Variants in GPR83 observed in about 807,000 individuals in gnomAD.
GPR83 encodes G protein-coupled receptor 83.
A neutral mutation model predicts 28.0 loss-of-function variants in GPR83; 23 were observed. The ratio of observed to expected loss-of-function variants is 0.82; its 90% CI spans 0.59 to 1.16. The LOEUF is 1.16. Among genes scored for constraint, GPR83 ranks in the 50% most tolerant of loss-of-function variants. GPR83 has a pLI of 0.00. For missense variants in GPR83, 610 were observed against 536.6 expected, an observed-to-expected ratio of 1.14 and a Z score of -1.35; for synonymous variants, 234 against 215.4, an observed-to-expected ratio of 1.09 and a Z score of -0.76.
chr11:94,388,462 A>C (rs1433228569), intron 3 of GPR83, among the ~76,000 whole-genome samples: 1 of 152,224 alleles, frequency 6.6e-6, no homozygotes. Context: ...GCTGATAAGC[A>C]ACTTCAGCAA....
chr11:94,386,758 C>T (rs1161590157), intron 3 of GPR83, among the ~76,000 whole-genome samples: 2 of 152,094 alleles, frequency 1.3e-5, no homozygotes, highest in African/African-American at 4.8e-5. Flanking sequence ...GTCAACATTA[C>T]ACAGATCAAT....
chr11:94,382,642 A>C (rs1944705110), intron 3 of GPR83, among the ~76,000 whole-genome samples: 1 of 152,190 alleles, frequency 6.6e-6, no homozygotes, highest in African/African-American at 2.4e-5. Flanking sequence ...AAAATTAACA[A>C]GGATATTCAG....
At chr11:94,396,972 T>C (rs2134696608) in intron 1 of GPR83, among the ~76,000 whole-genome samples, 1 of 152,296 alleles carries the variant, frequency 6.6e-6, no homozygotes, top group Admixed American at 6.5e-5. Context: ...TCTGGCAGAT[T>C]GTTCAGATAT....
intron 3 of GPR83, among the ~76,000 whole-genome samples, chr11:94,387,921 C>T (rs1176729502): frequency 6.6e-6 from 1 of 152,146 alleles, no homozygotes; most frequent in African/African-American, 2.4e-5. Flanking sequence ...TGCAAAAATC[C>T]TCAATACAAT....
In GPR83 at chr11:94,380,201, T is replaced by G; in HGVS notation, c.1220A>C (p.Gln407Pro). The change falls in exon 4 of 4, where the codon CAG becomes CCG. Residue 407 changes from glutamine to proline, a missense_variant. By Grantham distance (76) the Gln-to-Pro change is moderately conservative. Coordinates refer to ENST00000243673, the MANE Select transcript of GPR83 (RefSeq NM_016540.4). ...AGATGACAGGTCTGTCTTCCCAGAC[T>G]GGAGTTGGGAGGTGGGCAGGAGGTT... ...ANNLLPTSQL[Q>P]SGKTDLSSVE... 2 of 1,520,260 alleles carry G rather than the reference T, an allele frequency of 1.3e-6. No individual in the cohort carries two copies. Among genetic ancestry groups the G allele is most frequent in the Non-Finnish European group, 1.8e-6 (2 of 1,136,010 alleles). 94.2% of individuals were successfully genotyped at this position (1,520,260 alleles called of 1,614,324 possible). A position where few individuals can be genotyped will look rare whatever the true frequency, so the allele number is the denominator to read the frequency against.
At chr11:94,392,850 C>G (rs1408895920) in intron 3 of GPR83, among the ~76,000 whole-genome samples, 2 of 151,318 alleles carry the variant, frequency 1.3e-5, no homozygotes, top group Non-Finnish European at 2.9e-5. Flanking sequence ...ACTCTAAGAT[C>G]ATTCATTCAT....
chr11:94,387,369 A>T (rs572370358), intron 3 of GPR83, among the ~76,000 whole-genome samples: 4 of 152,344 alleles, frequency 2.6e-5, no homozygotes, highest in Admixed American at 2.0e-4. Flanking sequence ...AAACTCTTCA[A>T]AAAATCAATG....
At chr11:94,384,977 C>A (rs957318178) in intron 3 of GPR83, among the ~76,000 whole-genome samples, 3 of 152,178 alleles carry the variant, frequency 2.0e-5, no homozygotes, top group African/African-American at 7.2e-5. Flanking sequence ...CTCACATGGC[C>A]AGGTACTCCT....
chr11:94,380,410 G>T lies in GPR83; in HGVS notation c.1011C>A (p.Ser337Arg). 1 of 1,614,156 alleles carries T rather than the reference G, an allele frequency of 6.2e-7. No homozygotes were observed. Among genetic ancestry groups the T allele is most frequent in the East Asian group, 2.2e-5 (1 of 44,884 alleles). ...YFAFHWFAMS[S>R]TCYNPFIYCW... ...AGTATATGAAGGGGTTATAGCAGGT[G>T]CTGCTCATGGCAAACCAGTGGAAGG... Residue 337 changes from serine to arginine, a missense_variant, in exon 4 of 4, where the codon AGC (serine) becomes AGA (arginine). Coordinates refer to ENST00000243673, the MANE Select transcript of GPR83 (RefSeq NM_016540.4).
intron 1 of GPR83, among the ~76,000 whole-genome samples, chr11:94,398,437 C>G (rs1173901397): frequency 6.6e-6 from 1 of 152,162 alleles, no homozygotes; most frequent in Non-Finnish European, 1.5e-5. Context: ...TGCTTCGATG[C>G]CTTTGTTCTC....
chr11:94,389,594 G>C (rs1019553069), intron 3 of GPR83, among the ~76,000 whole-genome samples: 2 of 152,220 alleles, frequency 1.3e-5, no homozygotes, highest in Non-Finnish European at 2.9e-5. Context: ...GGCCATCAGA[G>C]AAATGCAAAT....
Position 94,380,249 on chromosome 11 carries a change from C to T in GPR83, c.1172G>A (p.Gly391Asp), listed in dbSNP as rs1171941196. 24 of 1,535,688 alleles carry T rather than the reference C, an allele frequency of 1.6e-5. No individual in the cohort carries two copies. Among genetic ancestry groups the T allele is most frequent in the Non-Finnish European group, 2.1e-5 (24 of 1,143,248 alleles). Reference protein sequence around the residue: ...FRVAWTEKNDGQRAPLANNLL... With the variant: ...FRVAWTEKNDDQRAPLANNLL... ...GTTATTGGCAAGGGGAGCCCTCTGG[C>T]CATCATTCTTCTCTGTCCAGGCCAC... Residue 391 changes from glycine (G) to aspartate (D), a missense_variant, in exon 4 of 4, where the codon GGC becomes GAC. Coordinates refer to ENST00000243673, the MANE Select transcript of GPR83 (RefSeq NM_016540.4).
rs1565188545 is a variant in GPR83, at chr11:94,396,550, G to A, written c.388-26C>T. On this transcript the variant is annotated intron_variant, in intron 1 of 3. Transcript: ENST00000243673. ...CTGGAGATGAGCCCAAAGATGTTAGGAGACAGACAGGCCTTGACTTTGACA... is the reference window on the plus strand; with the variant it reads ...CTGGAGATGAGCCCAAAGATGTTAGAAGACAGACAGGCCTTGACTTTGACA... The A allele has an allele frequency of 3.7e-6, 6 of 1,609,014 alleles. No homozygotes were observed. The Admixed American group carries it at 1.0e-4, about 27-fold the overall frequency.
intron 3 of GPR83, among the ~76,000 whole-genome samples, chr11:94,381,751 T>C (rs956661477): frequency 6.6e-6 from 1 of 152,108 alleles, no homozygotes. Context: ...ACTACAGCCA[T>C]AATTGGTCGG....
At chr11:94,387,598 G>A (rs1191072157) in intron 3 of GPR83, among the ~76,000 whole-genome samples, 1 of 152,076 alleles carries the variant, frequency 6.6e-6, no homozygotes, top group African/African-American at 2.4e-5. Context: ...TAATTTCCTC[G>A]ACACATACAC....
chr11:94,397,218 G>T (rs1379314947), intron 1 of GPR83, among the ~76,000 whole-genome samples: 3 of 152,116 alleles, frequency 2.0e-5, no homozygotes, highest in African/African-American at 7.2e-5. Context: ...AACCGTGTAG[G>T]GCCCTAGAAG....
intron 3 of GPR83, among the ~76,000 whole-genome samples, chr11:94,385,699 G>A (rs1396199922): frequency 3.3e-5 from 5 of 152,182 alleles, no homozygotes; most frequent in African/African-American, 7.2e-5. Context: ...GGGACTATGC[G>A]AAAAGACCAA....
At chr11:94,389,485 C>A (rs1944793183) in intron 3 of GPR83, among the ~76,000 whole-genome samples, 1 of 151,418 alleles carries the variant, frequency 6.6e-6, no homozygotes, top group Non-Finnish European at 1.5e-5. Context: ...CAAGAAAAAT[C>A]AACCCCATCA....
rs760117363 is a variant in GPR83, at chr11:94,380,466, C to A, written c.955G>T (p.Val319Phe). 6.2e-7 allele frequency: 1 copy of A among 1,614,170 alleles called. No individual in the cohort carries two copies. The change falls in exon 4 of 4, where the codon GTC (valine) becomes TTC (phenylalanine). Residue 319 changes from valine (V) to phenylalanine (F), a missense_variant. Coordinates refer to ENST00000243673, the MANE Select transcript of GPR83 (RefSeq NM_016540.4). The part of the protein sequence containing the change: ...NCYVLLLSSK[V>F]IRTNNALYFA... ...TAGAGGGCATTGTTGGTGCGGATGA[C>A]CTTGCTGGACAGGAGGAGGACGTAG...
Sources: gnomAD v4.1 joint callset for allele counts (sites outside exome capture counted in the v4.1 genomes callset) on GRCh38, gnomAD v4.1.1 for gene constraint, MANE v1.5 for transcripts, NCBI Gene and HGNC (gene_info 2026-07-23, HGNC 2026-07-21) for gene names.